TMEM232: variants seen among roughly 807,000 people sequenced by gnomAD.
TMEM232 encodes transmembrane protein 232.
A neutral mutation model predicts 78.8 loss-of-function variants in TMEM232; 80 were observed. The observed-to-expected ratio is 1.01, with a 90% CI of 0.85 to 1.22. TMEM232 has a LOEUF of 1.22. Among genes scored for constraint, TMEM232 ranks in the 50% most tolerant of loss-of-function variants. The pLI, the probability that TMEM232 is intolerant of heterozygous loss-of-function variation, is 0.00. For missense variants in TMEM232, 881 were observed against 742.2 expected, an observed-to-expected ratio of 1.19 and a Z score of -2.17; for synonymous variants, 297 against 254.3, an observed-to-expected ratio of 1.17 and a Z score of -1.60.
intron 12 of TMEM232, among the ~76,000 whole-genome samples, chr5:110,484,957 C>A (rs1764302080): frequency 6.6e-6 from 1 of 151,704 alleles, no homozygotes; most frequent in South Asian, 2.1e-4. Flanking sequence ...GCAAGAATAG[C>A]CTTAATAAAA....
chr5:110,559,938 C>T (rs1415863505), intron 11 of TMEM232, among the ~76,000 whole-genome samples: 1 of 152,120 alleles, frequency 6.6e-6, no homozygotes, highest in Non-Finnish European at 1.5e-5. Context: ...CTCCACATGG[C>T]TCTATCCCTG....
At chr5:110,666,949 A>G (rs2150128611) in intron 2 of TMEM232, 1 of 219,012 alleles carries the variant, frequency 4.6e-6, no homozygotes, top group Non-Finnish European at 8.8e-6. Context: ...AAAATGCTTC[A>G]TGATACAGGA....
intron 12 of TMEM232, among the ~76,000 whole-genome samples, chr5:110,473,792 A>T (rs1762935832): frequency 1.3e-5 from 2 of 149,736 alleles, no homozygotes; most frequent in Admixed American, 6.7e-5. Context: ...TACCCAATGG[A>T]ATACTAGTCA....
intron 1 of TMEM232, 81 bp downstream of exon 1, chr5:110,726,546 C>G (rs1443484691): frequency 6.6e-6 from 1 of 152,206 alleles, no homozygotes; most frequent in Non-Finnish European, 1.5e-5. Flanking sequence ...CTTTGTGGGT[C>G]TTTCAGTTGC....
intron 1 of TMEM232, among the ~76,000 whole-genome samples, chr5:110,697,577 A>C (rs1248345176): frequency 6.6e-6 from 1 of 152,212 alleles, no homozygotes; most frequent in Non-Finnish European, 1.5e-5. Context: ...TCCAGAATCT[A>C]CAATGAACTC....
chr5:110,599,207 T>A (rs1017764300), intron 10 of TMEM232, among the ~76,000 whole-genome samples: 1 of 152,042 alleles, frequency 6.6e-6, no homozygotes, highest in East Asian at 1.9e-4. Context: ...TACCAGCCCC[T>A]GCAAAAACAT....
chr5:110,665,405 G>A (rs112826441), intron 2 of TMEM232, among the ~76,000 whole-genome samples: 10 of 152,080 alleles, frequency 6.6e-5, no homozygotes, highest in African/African-American at 1.9e-4. Context: ...TTGAGACTGG[G>A]TAATTTACAT....
upstream of TMEM232, among the ~76,000 whole-genome samples, chr5:110,731,605 G>A (rs1248134466): frequency 2.7e-5 from 4 of 150,812 alleles, no homozygotes; most frequent in Non-Finnish European, 5.9e-5. Context: ...TCCACCCTCT[G>A]AAGCCACAGC....
At chr5:110,714,833 A>G (rs1796861217) in intron 1 of TMEM232, among the ~76,000 whole-genome samples, 1 of 152,186 alleles carries the variant, frequency 6.6e-6, no homozygotes. Context: ...TTAGGAAATT[A>G]AATCTAGAGA....
chr5:110,689,636 T>G (rs1793847854), intron 1 of TMEM232, among the ~76,000 whole-genome samples: 1 of 152,088 alleles, frequency 6.6e-6, no homozygotes, highest in South Asian at 2.1e-4. Flanking sequence ...GAAAACTTCT[T>G]TAAATTTCAT....
intron 4 of TMEM232, among the ~76,000 whole-genome samples, chr5:110,388,576 A>G (rs918244005): frequency 6.6e-6 from 1 of 152,140 alleles, no homozygotes; most frequent in Non-Finnish European, 1.5e-5. Context: ...TTTAACTCCT[A>G]TATCACTTGC....
At chr5:110,682,024 T>C (rs1312028624) in intron 1 of TMEM232, among the ~76,000 whole-genome samples, 1 of 152,180 alleles carries the variant, frequency 6.6e-6, no homozygotes, top group Non-Finnish European at 1.5e-5. Flanking sequence ...TTTTAACTTC[T>C]TCTGCTATTA....
In TMEM232 at chr5:110,677,254, A is replaced by G. The variant is rs143315960; in HGVS notation, c.-12-9890T>C. On this transcript the variant is annotated intron_variant, in intron 1 of 13. Transcript: ENST00000455884. ...TTTAATTGTCTAATTTTTTTTTTCT[A>G]TTGAGTTGTTTGAGTCCCTTAAATA... is the stretch of plus-strand genomic sequence containing the variant. Among the ~76,000 whole-genome samples, 216 of 147,586 alleles carry G rather than the reference A, an allele frequency of 1.5e-3. 4 individuals carry two copies. Among genetic ancestry groups the G allele is most frequent in the Admixed American group, 4.7e-4 (7 of 14,842 alleles).
Position 110,537,294 on chromosome 5 carries a change from T to A in TMEM232, c.1456-8459A>T, listed in dbSNP as rs866411707. ...GAGAAAACTTATATATATATATATT[T>A]TTTTTTTTCTGCAATGCTGTTTGGC... On this transcript the variant is annotated intron_variant, in intron 11 of 13. Coordinates refer to ENST00000455884, the MANE Select transcript of TMEM232 (RefSeq NM_001039763.4). 5.8e-3 allele frequency among the ~76,000 whole-genome samples: 867 copies of A among 150,764 alleles called. 15 individuals are homozygous for A. Among genetic ancestry groups the A allele is most frequent in the African/African-American group, 0.02 (829 of 40,938 alleles).
intron 2 of TMEM232, among the ~76,000 whole-genome samples, chr5:110,660,546 C>T (rs1023495999): frequency 1.3e-5 from 2 of 151,958 alleles, no homozygotes; most frequent in Non-Finnish European, 2.9e-5. Flanking sequence ...AAAAGAAACA[C>T]TGATTACTTA....
chr5:110,645,242 T>A (rs1490549806), intron 2 of TMEM232, among the ~76,000 whole-genome samples: 1 of 151,602 alleles, frequency 6.6e-6, no homozygotes, highest in African/African-American at 2.4e-5. Flanking sequence ...AGCATCAACT[T>A]GATACTCAAA....
rs1796486656 is a variant in TMEM232 at position 110,711,604 on chromosome 5, A to C, written c.-13+15023T>G. 1.3e-5 allele frequency among the ~76,000 whole-genome samples: 2 copies of C among 152,212 alleles called. 1 individual carries two copies. The highest frequency in any genetic ancestry group is 4.1e-4 in the South Asian group (2 of 4,836). On this transcript the variant is annotated intron_variant, in intron 1 of 13. Transcript: ENST00000455884. ...AAACAGACACATAGACCAATGGAGCAGAAGAGAGAATCCAGAAACAAGTCC... is the reference window on the plus strand; with the variant it reads ...AAACAGACACATAGACCAATGGAGCCGAAGAGAGAATCCAGAAACAAGTCC...
intron 8 of TMEM232, among the ~76,000 whole-genome samples, chr5:110,612,519 T>A (rs1328669978): frequency 6.6e-6 from 1 of 152,148 alleles, no homozygotes; most frequent in Non-Finnish European, 1.5e-5. Context: ...ATGGACATCA[T>A]AATTAGTAGG....
At chr5:110,714,822 C>T (rs1360424255) in intron 1 of TMEM232, among the ~76,000 whole-genome samples, 3 of 152,018 alleles carry the variant, frequency 2.0e-5, no homozygotes, top group Non-Finnish European at 2.9e-5. Context: ...GGTGCCTTTC[C>T]TTAGGAAATT....
Sources: allele counts gnomAD v4.1 joint callset (sites outside exome capture counted in the v4.1 genomes callset), GRCh38; gene constraint gnomAD v4.1.1; transcripts MANE v1.5; gene names NCBI Gene and HGNC (gene_info 2026-07-23, HGNC 2026-07-21).